Variants in STXBP5L observed in about 807,000 individuals in gnomAD.
The protein encoded by STXBP5L is syntaxin binding protein 5L, also known as syntaxin-binding protein 5-like.
Under a neutral mutation model 144.5 loss-of-function variants are expected in STXBP5L, and 65 were observed. The observed-to-expected ratio is 0.45, with a 90% CI of 0.37 to 0.55. STXBP5L has a LOEUF of 0.55. Among genes scored for constraint, STXBP5L ranks in the 20% least tolerant of loss-of-function variants. The probability of loss-of-function intolerance (pLI) is 0.00; values close to 1 mark genes in which losing one functional copy is unlikely to be tolerated. For missense variants in STXBP5L, 1,298 were observed against 1,405.5 expected, an observed-to-expected ratio of 0.92 and a Z score of 1.22; for synonymous variants, 505 against 469.6, an observed-to-expected ratio of 1.08 and a Z score of -0.97.
At chr3:121,337,576 C>T (rs1257088689) in intron 20 of STXBP5L, among the ~76,000 whole-genome samples, 1 of 151,932 alleles carries the variant, frequency 6.6e-6, no homozygotes. Context: ...ACTACCAGAC[C>T]TAAGAAAAGA....
At chr3:121,066,607 G>A (rs1189369743) in intron 5 of STXBP5L, among the ~76,000 whole-genome samples, 1 of 151,968 alleles carries the variant, frequency 6.6e-6, no homozygotes, top group African/African-American at 2.4e-5. Flanking sequence ...AATATATGCT[G>A]GGTTTGCTAA....
chr3:121,363,345 G>T (rs1173768646), intron 20 of STXBP5L, among the ~76,000 whole-genome samples: 1 of 152,102 alleles, frequency 6.6e-6, no homozygotes, highest in Admixed American at 6.6e-5. Context: ...TAGTCCTTAT[G>T]CCCTACACTG....
chr3:120,922,195 A>G (rs190755911), intron 2 of STXBP5L, among the ~76,000 whole-genome samples: 68 of 151,960 alleles, frequency 4.5e-4, no homozygotes, highest in African/African-American at 1.6e-3. Context: ...ATTCATAGGT[A>G]TTCATAGGTA....
At chr3:120,976,646 A>G (rs1037441175) in intron 3 of STXBP5L, among the ~76,000 whole-genome samples, 1 of 151,934 alleles carries the variant, frequency 6.6e-6, no homozygotes, top group African/African-American at 2.4e-5. Context: ...TAGGGTGTCA[A>G]TTTTGGATCT....
chr3:120,909,377 T>G (rs1559863990), intron 1 of STXBP5L, among the ~76,000 whole-genome samples, 194 bp from the exon 2 acceptor site: 1 of 152,212 alleles, frequency 6.6e-6, no homozygotes. Context: ...ATTTATCTTT[T>G]TTTAAAAAGG....
intron 7 of STXBP5L, among the ~76,000 whole-genome samples, chr3:121,139,651 A>G (rs1221770995): frequency 1.3e-5 from 2 of 152,068 alleles, no homozygotes; most frequent in African/African-American, 4.8e-5. Flanking sequence ...TTCAAAGGCA[A>G]TGAGAACATT....
At chr3:120,992,416 A>G (rs527563836) in intron 3 of STXBP5L, among the ~76,000 whole-genome samples, 1 of 152,186 alleles carries the variant, frequency 6.6e-6, no homozygotes, top group South Asian at 2.1e-4. Flanking sequence ...CTAGTTGTAT[A>G]TTTGTACCCA....
intron 6 of STXBP5L, 65 bp from the exon 7 acceptor site, chr3:121,121,575 TC>T: frequency 8.7e-7 from 1 of 1,145,516 alleles, no homozygotes; most frequent in East Asian, 2.4e-5. Context: ...TTTCTTTGTT[TC>T]AGTCTCTAGT....
intron 7 of STXBP5L, among the ~76,000 whole-genome samples, chr3:121,151,019 G>A (rs908833989): frequency 2.0e-5 from 3 of 151,914 alleles, no homozygotes; most frequent in Non-Finnish European, 4.4e-5. Flanking sequence ...CCCAGGAGGC[G>A]GAGGTTGCAG....
chr3:121,077,859 CAG>C (rs2042086767), intron 5 of STXBP5L, among the ~76,000 whole-genome samples: 1 of 152,156 alleles, frequency 6.6e-6, no homozygotes, highest in African/African-American at 2.4e-5. Flanking sequence ...GAGCTAGACA[CAG>C]GGTGCTGATT....
intron 7 of STXBP5L, among the ~76,000 whole-genome samples, chr3:121,145,727 T>A (rs1204864375): frequency 6.6e-6 from 1 of 152,098 alleles, no homozygotes; most frequent in Non-Finnish European, 1.5e-5. Context: ...TGACGTTCAC[T>A]AAATTTAATT....
chr3:120,987,061 A>C (rs1290916829), intron 3 of STXBP5L, among the ~76,000 whole-genome samples: 3 of 152,024 alleles, frequency 2.0e-5, no homozygotes, highest in Admixed American at 6.5e-5. Context: ...TTGATGAAAG[A>C]AATGAATATA....
intron 19 of STXBP5L, among the ~76,000 whole-genome samples, chr3:121,310,924 C>G (rs1378064173): frequency 1.3e-5 from 2 of 151,602 alleles, no homozygotes; most frequent in East Asian, 3.9e-4. Context: ...AAAAAAGACA[C>G]CATTAAGCAA....
intron 19 of STXBP5L, among the ~76,000 whole-genome samples, chr3:121,307,362 C>A (rs1410559477): frequency 6.6e-6 from 1 of 152,092 alleles, no homozygotes; most frequent in East Asian, 1.9e-4. Flanking sequence ...ACCAAGACCT[C>A]AAAACAACCA....
chr3:120,987,805 C>T (rs531182327), intron 3 of STXBP5L, among the ~76,000 whole-genome samples: 10 of 151,760 alleles, frequency 6.6e-5, no homozygotes, highest in Non-Finnish European at 1.3e-4. Context: ...CTGGGTAATA[C>T]TATCTTCATA....
chr3:121,091,665 C>A (rs1410713941), intron 5 of STXBP5L, among the ~76,000 whole-genome samples: 2 of 152,068 alleles, frequency 1.3e-5, no homozygotes, highest in African/African-American at 4.8e-5. Flanking sequence ...ATCATAGATT[C>A]TGGATATTAG....
Position 121,205,822 on chromosome 3 carries a change from A to G in STXBP5L, c.878-101A>G. Reference sequence around the variant, plus strand: ...CTATTATGACAAACATAGAATTAACATTATTATTCCTTTATCTTTAAATTC... The same window carrying G: ...CTATTATGACAAACATAGAATTAACGTTATTATTCCTTTATCTTTAAATTC... On this transcript the variant is annotated intron_variant, in intron 9 of 26. Coordinates refer to ENST00000471454, the MANE Select transcript of STXBP5L (RefSeq NM_001308330.2). The G allele has an allele frequency of 5.5e-6, 3 of 543,000 alleles. 1 individual carries two copies. Among genetic ancestry groups the G allele is most frequent in the African/African-American group, 2.0e-5 (1 of 50,206 alleles). The allele number at this position is 543,000 out of a possible 1,614,324, so 33.6% of individuals were successfully genotyped here.
intron 7 of STXBP5L, among the ~76,000 whole-genome samples, chr3:121,124,850 A>G (rs1265980885): frequency 6.6e-6 from 1 of 152,100 alleles, no homozygotes; most frequent in Non-Finnish European, 1.5e-5. Flanking sequence ...TTCAAAGGAA[A>G]TGCCTCCACG....
At chr3:120,951,577 G>C in intron 2 of STXBP5L, among the ~76,000 whole-genome samples, 1 of 152,168 alleles carries the variant, frequency 6.6e-6, no homozygotes, top group Middle Eastern at 3.2e-3. Context: ...CTGGCCATCG[G>C]AGAAATGCAA....
Sources: gnomAD v4.1 joint callset for allele counts (sites outside exome capture counted in the v4.1 genomes callset) on GRCh38, gnomAD v4.1.1 for gene constraint, MANE v1.5 for transcripts, NCBI Gene and HGNC (gene_info 2026-07-23, HGNC 2026-07-21) for gene names.